The following TSNARE1 variants were observed in gnomAD, a reference collection of about 807,000 sequenced individuals.
TSNARE1 encodes t-SNARE domain-containing protein 1.
Under a neutral mutation model 62.0 loss-of-function variants are expected in TSNARE1, and 49 were observed. The observed-to-expected ratio is 0.79, with a 90% CI of 0.63 to 1.00. The LOEUF (loss-of-function observed/expected upper bound fraction) is 1.00. Among genes scored for constraint, TSNARE1 ranks in the 50% least tolerant of loss-of-function variants. TSNARE1 has a pLI of 0.00. For missense variants in TSNARE1, 755 were observed against 700.1 expected, an observed-to-expected ratio of 1.08 and a Z score of -0.88; for synonymous variants, 328 against 294.4, an observed-to-expected ratio of 1.11 and a Z score of -1.17.
At chr8:142,219,873 T>A (rs1331996175) in intron 13 of TSNARE1, among the ~76,000 whole-genome samples, 1 of 152,228 alleles carries the variant, frequency 6.6e-6, no homozygotes, top group Non-Finnish European at 1.5e-5. Context: ...GCTGTGTGTT[T>A]GCTCCAGCCC....
Position 142,246,791 on chromosome 8 carries a change from T to A in TSNARE1, c.1447-17212A>T, listed in dbSNP as rs141680536. Among the ~76,000 whole-genome samples the A allele has an allele frequency of 5.1e-3, 784 of 152,292 alleles. 5 individuals carry two copies. The highest frequency in any genetic ancestry group is 0.018 in the African/African-American group (754 of 41,562). On this transcript the variant is annotated intron_variant, in intron 12 of 13. Transcript: ENST00000524325. ...CCAAACGCCTGCTGTGCCTCTGCCTTCTGAGTGGCCAGACACACTCCTCCT... is the reference window on the plus strand; with the variant it reads ...CCAAACGCCTGCTGTGCCTCTGCCTACTGAGTGGCCAGACACACTCCTCCT...
chr8:142,361,074 G>T (rs75360843), intron 1 of TSNARE1, among the ~76,000 whole-genome samples: 3,795 of 152,296 alleles, frequency 0.025, 50 homozygotes, highest in East Asian at 0.068. Context: ...CGCCCACAGG[G>T]CCAGGCCCCA....
chr8:142,217,711 G>A (rs1017845633), intron 13 of TSNARE1, among the ~76,000 whole-genome samples: 13 of 152,254 alleles, frequency 8.5e-5, no homozygotes, highest in Non-Finnish European at 1.9e-4. Context: ...CTGTGACCAA[G>A]GTCAGGGCTC....
At chr8:142,249,137 G>C (rs888937209) in intron 12 of TSNARE1, among the ~76,000 whole-genome samples, 2 of 152,254 alleles carry the variant, frequency 1.3e-5, no homozygotes, top group African/African-American at 4.8e-5. Context: ...ACGGGGCCAC[G>C]CTACGACTCT....
intron 1 of TSNARE1, among the ~76,000 whole-genome samples, chr8:142,358,255 G>A (rs1359904828): frequency 1.5e-4 from 17 of 116,942 alleles, no homozygotes; most frequent in African/African-American, 4.5e-4. Context: ...AAAGGGCGGC[G>A]GGGTCTGCTG....
Position 142,229,547 on chromosome 8 carries a change from T to G in TSNARE1, c.1479A>C (p.Leu493=). The change falls in exon 13 of 14, where the codon CTA becomes CTC. Residue 493 remains leucine, a synonymous_variant. Coordinates refer to ENST00000524325, the MANE Select transcript of TSNARE1 (RefSeq NM_145003.5). The part of the protein sequence containing the change: ...LQRHKIKCCF[L]SAGVTALLVI... Reference sequence around the variant, plus strand: ...CAAGCAGGGCAGTGACTCCAGCTGATAGGAAGCAGCACTTGATCTTGTGTC... The same window carrying G: ...CAAGCAGGGCAGTGACTCCAGCTGAGAGGAAGCAGCACTTGATCTTGTGTC... The G allele has an allele frequency of 6.2e-7, 1 of 1,614,004 alleles. No individual in the cohort carries two copies. Among genetic ancestry groups the G allele is most frequent in the Middle Eastern group, 1.6e-4 (1 of 6,062 alleles).
chr8:142,299,567 C>T (rs1825337190), intron 10 of TSNARE1, among the ~76,000 whole-genome samples: 1 of 152,236 alleles, frequency 6.6e-6, no homozygotes, highest in Non-Finnish European at 1.5e-5. Flanking sequence ...GTTCTATGTA[C>T]ACTCAGGCAT....
intron 11 of TSNARE1, among the ~76,000 whole-genome samples, chr8:142,279,580 T>C (rs1586980733): frequency 6.6e-6 from 1 of 152,170 alleles, no homozygotes; most frequent in South Asian, 2.1e-4. Context: ...AGCCCCTTGA[T>C]GGCACAATGC....
chr8:142,255,716 TCAC>T, intron 12 of TSNARE1, among the ~76,000 whole-genome samples: 1 of 20,510 alleles, frequency 4.9e-5, no homozygotes. Context: ...ACCACCATCA[TCAC>T]CATCACCACC....
chr8:142,272,958 C>G, intron 12 of TSNARE1: 2 of 985,484 alleles, frequency 2.0e-6, no homozygotes, highest in Non-Finnish European at 2.4e-6. Context: ...TGCCTCATCC[C>G]TCCCTGATAC....
At chr8:142,273,234 T>C (rs1819889591) in intron 12 of TSNARE1, 2 of 985,396 alleles carry the variant, frequency 2.0e-6, no homozygotes, top group African/African-American at 1.7e-5. Flanking sequence ...CCTCCTGCCG[T>C]CCCAGGCATC....
intron 1 of TSNARE1, among the ~76,000 whole-genome samples, chr8:142,386,895 G>A (rs1263929796): frequency 1.3e-5 from 2 of 152,236 alleles, no homozygotes; most frequent in Non-Finnish European, 2.9e-5. Flanking sequence ...GTCCACAACA[G>A]AGCAAGAGAC....
chr8:142,278,623 C>T, intron 11 of TSNARE1: 1 of 985,434 alleles, frequency 1.0e-6, no homozygotes, highest in Non-Finnish European at 1.2e-6. Flanking sequence ...CAGCATCACC[C>T]TCAGAGCCAG....
intron 1 of TSNARE1, among the ~76,000 whole-genome samples, chr8:142,362,424 G>A (rs79365211): frequency 0.011 from 1,628 of 152,314 alleles, 14 homozygotes; most frequent in East Asian, 0.021. Flanking sequence ...AGCATTCAGC[G>A]TAAGGCAGAG....
rs770314381 is a variant in TSNARE1, at chr8:142,344,297, G to A, written c.414C>T (p.Ser138=). ...GCAGCTGGTGGTGCTTGCTCACCTT[G>A]GACACCAGCACCTCGGTCTCCTGCG... ...FCPQETEVLV[S]KVSKHHQLLF... The change falls in exon 4 of 14, where the codon TCC becomes TCT. Residue 138 remains serine (S), a synonymous_variant. Coordinates refer to ENST00000524325, the MANE Select transcript of TSNARE1 (RefSeq NM_145003.5). 4.2e-5 allele frequency: 67 copies of A among 1,598,888 alleles called. No homozygotes were observed. The highest frequency in any genetic ancestry group is 5.1e-5 in the Non-Finnish European group (60 of 1,169,280).
At chr8:142,265,892 G>A (rs562380546) in intron 12 of TSNARE1, among the ~76,000 whole-genome samples, 1 of 152,186 alleles carries the variant, frequency 6.6e-6, no homozygotes, top group Non-Finnish European at 1.5e-5. Context: ...GGATCAAATT[G>A]TTGTGCACTT....
chr8:142,354,867 C>T (rs1669440812), intron 1 of TSNARE1, 104 bp from the exon 2 acceptor site: 5 of 656,216 alleles, frequency 7.6e-6, no homozygotes, highest in Admixed American at 2.6e-5. Flanking sequence ...GCCCCAAGAC[C>T]CTGGCTCCAT....
In TSNARE1 at chr8:142,318,572, A is replaced by G; in HGVS notation, c.956T>C (p.Met319Thr). 1 of 1,613,632 alleles carries G rather than the reference A, an allele frequency of 6.2e-7. No homozygotes were observed. The highest frequency in any genetic ancestry group is 8.5e-7 in the Non-Finnish European group (1 of 1,179,984). The change falls in exon 7 of 14, where the codon ATG (methionine) becomes ACG (threonine). Residue 319 changes from methionine (M) to threonine (T), a missense_variant. Physicochemically the swap from Met to Thr is moderately conservative, Grantham distance 81 (BLOSUM62 -1). Coordinates refer to ENST00000524325, the MANE Select transcript of TSNARE1 (RefSeq NM_145003.5). ...GCAGGAGCTGCGCAGCAGCTCGGCC[A>G]TCTGCTTCACGGAGCTGGCGCTGGC... is the stretch of plus-strand genomic sequence containing the variant. The part of the protein sequence containing the change: ...IAASASSVKQ[M>T]AELLRSSCPQ...
At chr8:142,404,256 T>C (rs9801805), upstream of TSNARE1, 128,871 of 152,338 alleles carry the variant, frequency 0.85, 54,578 homozygotes, top group Middle Eastern at 0.86. Flanking sequence ...GGACTGTGCA[T>C]GTGTGCGCAC....
Sources: gnomAD v4.1 joint callset for allele counts (sites outside exome capture counted in the v4.1 genomes callset) on GRCh38, gnomAD v4.1.1 for gene constraint, MANE v1.5 for transcripts, NCBI Gene and HGNC (gene_info 2026-07-23, HGNC 2026-07-21) for gene names.